ROBO2: variants seen among roughly 807,000 people sequenced by gnomAD.
ROBO2 encodes roundabout guidance receptor 2.
Under a neutral mutation model 160.8 loss-of-function variants are expected in ROBO2, and 53 were observed. The ratio of observed to expected loss-of-function variants is 0.33; its 90% CI spans 0.26 to 0.41. The LOEUF (loss-of-function observed/expected upper bound fraction) is 0.41, where lower values mean the gene tolerates loss of function less well. Among genes scored for constraint, ROBO2 ranks in the 10% least tolerant of loss-of-function variants. The probability of loss-of-function intolerance (pLI) is 1.00; values close to 1 mark genes in which losing one functional copy is unlikely to be tolerated. For synonymous variants in ROBO2, 664 were observed against 611.7 expected (o/e 1.09, Z -1.26); for missense variants, 1,577 against 1,722.4 (o/e 0.92, Z 1.49).
At chr3:77,242,975 G>T (rs780290641) in intron 2 of ROBO2, among the ~76,000 whole-genome samples, 1 of 151,670 alleles carries the variant, frequency 6.6e-6, no homozygotes, top group Middle Eastern at 3.4e-3. Context: ...GCATGTGTGC[G>T]TGCGTGTTTG....
rs535035712 is a variant in ROBO2 at position 77,091,807 on chromosome 3, C to T, written c.62-6207C>T. 7.9e-5 allele frequency among the ~76,000 whole-genome samples: 12 copies of T among 151,742 alleles called. No homozygotes were observed. In the South Asian group the frequency reaches 1.3e-3, roughly 16 times the overall value. The stretch of plus-strand genomic sequence containing the variant: ...CATCCTGGCCAATATGACGAAAATC[C>T]GTCTCTACTAATAATACAAAAAATT... On this transcript the variant is annotated intron_variant, in intron 1 of 25. Transcript: ENST00000461745.
At position 77,474,695 on chromosome 3, in the gene ROBO2, A is replaced by G. The variant is rs534556343; in HGVS notation, c.389-2719A>G. Among the ~76,000 whole-genome samples the G allele has an allele frequency of 6.8e-3, 890 of 131,046 alleles. 10 individuals are homozygous for G. The highest frequency in any genetic ancestry group is 0.023 in the African/African-American group (778 of 33,580). 86.0% of individuals were successfully genotyped at this position (131,046 alleles called of 152,430 possible). ...ACACACACACACACACACACACTCA[A>G]TTTAGAATTTAAAATTGCTTTGCTA... On this transcript the variant is annotated intron_variant, in intron 2 of 25. Coordinates refer to ENST00000461745, the Ensembl canonical transcript of ROBO2.
chr3:77,205,983 A>C (rs62251834), intron 2 of ROBO2, among the ~76,000 whole-genome samples: 5,952 of 152,124 alleles, frequency 0.039, 152 homozygotes, highest in African/African-American at 0.064. Context: ...AAATCAAGGG[A>C]CACACTCCCT....
chr3:76,504,877 G>A (rs754556808), intron 2 of ROBO2, among the ~76,000 whole-genome samples: 19 of 152,042 alleles, frequency 1.2e-4, no homozygotes, highest in Non-Finnish European at 1.9e-4. Flanking sequence ...AGCCGCTAGC[G>A]TTAGGCTATT....
chr3:77,495,566 G>C lies in ROBO2; in HGVS notation c.806+2184G>C, dbSNP rs984679625. On this transcript the variant is annotated intron_variant, in intron 5 of 25. Coordinates refer to ENST00000461745, the Ensembl canonical transcript of ROBO2. ...CTCCAGTCTCCTCCGTCCTGTTACA[G>C]GTCCTTAGTTTTTCTAGTTTTGTGA... Among the ~76,000 whole-genome samples, 15 of 152,276 alleles carry C rather than the reference G, an allele frequency of 9.9e-5. No homozygotes were observed. The South Asian group carries it at 2.9e-3, about 29-fold the overall frequency.
intron 2 of ROBO2, chr3:76,434,280 C>T: frequency 9.9e-7 from 1 of 1,007,222 alleles, no homozygotes; most frequent in Non-Finnish European, 1.6e-6. Context: ...TCAGTGTCAA[C>T]AGCCAGCAGA....
In ROBO2 at chr3:76,593,959, G is replaced by GC. The variant is rs2086582428; in HGVS notation, c.110-504054dup. Among the ~76,000 whole-genome samples, 2 of 151,892 alleles carry GC rather than the reference G, an allele frequency of 1.3e-5. 1 individual carries two copies. The highest frequency in any genetic ancestry group is 4.1e-4 in the South Asian group (2 of 4,830). On this transcript the variant is annotated intron_variant, in intron 2 of 26. Transcript: ENST00000487694. ...AAAACATAATTATTTACATAGAAAAGCATGGAAAGAGCTGGAATAATATAA... is the reference window on the plus strand; with the variant it reads ...AAAACATAATTATTTACATAGAAAAGCCATGGAAAGAGCTGGAATAATATAA...
intron 2 of ROBO2, among the ~76,000 whole-genome samples, chr3:76,475,466 A>T (rs564158461): frequency 6.6e-6 from 1 of 152,192 alleles, no homozygotes; most frequent in South Asian, 2.1e-4. Context: ...TTTGACAGAA[A>T]AACTTACATT....
chr3:76,882,306 G>C (rs1030713062), intron 2 of ROBO2, among the ~76,000 whole-genome samples: 9 of 152,172 alleles, frequency 5.9e-5, no homozygotes, highest in African/African-American at 1.9e-4. Flanking sequence ...GGTGAAACAA[G>C]TATCTGGCAA....
At chr3:77,137,370 G>A (rs1560088990) in intron 2 of ROBO2, among the ~76,000 whole-genome samples, 1 of 152,080 alleles carries the variant, frequency 6.6e-6, no homozygotes, top group African/African-American at 2.4e-5. Context: ...GGGATTACAG[G>A]CATGCGCCAC....
intron 19 of ROBO2, among the ~76,000 whole-genome samples, chr3:77,598,726 A>C (rs750538001): frequency 2.6e-5 from 4 of 152,002 alleles, no homozygotes; most frequent in Non-Finnish European, 4.4e-5. Context: ...GACTGTGAGC[A>C]ACTGTCAGCT....
intron 2 of ROBO2, among the ~76,000 whole-genome samples, chr3:76,426,187 G>C (rs146809912): frequency 0.019 from 2,865 of 152,150 alleles, 46 homozygotes; most frequent in Non-Finnish European, 0.029. Context: ...AAGAGGTTAG[G>C]GATTTGTAGC....
At chr3:76,267,270 TA>T (rs534921949) in intron 2 of ROBO2, among the ~76,000 whole-genome samples, 238 of 152,332 alleles carry the variant, frequency 1.6e-3, no homozygotes, top group Middle Eastern at 0.014. Context: ...CAAATAGATT[TA>T]TTTTTTTAAG....
chr3:77,537,407 A>T (rs961302676), intron 6 of ROBO2, among the ~76,000 whole-genome samples: 1 of 152,172 alleles, frequency 6.6e-6, no homozygotes, highest in Non-Finnish European at 1.5e-5. Flanking sequence ...TGCTCATACA[A>T]TGAATGAATG....
chr3:77,101,109 A>G (rs999542256), intron 2 of ROBO2, among the ~76,000 whole-genome samples: 1 of 152,212 alleles, frequency 6.6e-6, no homozygotes, highest in Non-Finnish European at 1.5e-5. Context: ...AGATTGCATT[A>G]AAGGTATGAT....
intron 1 of ROBO2, among the ~76,000 whole-genome samples, chr3:77,080,235 C>T (rs1263786453): frequency 3.9e-5 from 6 of 152,130 alleles, no homozygotes; most frequent in Non-Finnish European, 7.3e-5. Flanking sequence ...ACCTATTCAG[C>T]GGGTTCTATA....
chr3:76,543,800 A>G (rs1037440532), intron 2 of ROBO2, among the ~76,000 whole-genome samples: 7 of 151,890 alleles, frequency 4.6e-5, no homozygotes, highest in African/African-American at 1.2e-4. Context: ...TTAAATCCAG[A>G]CCATCTTTTT....
chr3:76,269,029 G>A (rs1228439912), intron 2 of ROBO2, among the ~76,000 whole-genome samples: 1 of 151,908 alleles, frequency 6.6e-6, no homozygotes, highest in Non-Finnish European at 1.5e-5. Context: ...ATCTTATTGG[G>A]GAGGAGGTGG....
chr3:76,160,623 T>C (rs747880888), intron 2 of ROBO2, among the ~76,000 whole-genome samples: 4 of 152,196 alleles, frequency 2.6e-5, no homozygotes. Flanking sequence ...CATAAACTTT[T>C]TGTAAAGGAT....
Sources: allele counts gnomAD v4.1 joint callset (sites outside exome capture counted in the v4.1 genomes callset), GRCh38; gene constraint gnomAD v4.1.1; transcripts MANE v1.5; gene names NCBI Gene and HGNC (gene_info 2026-07-23, HGNC 2026-07-21).